Variants in CFAP45 observed in about 807,000 individuals in gnomAD.
CFAP45 encodes cilia- and flagella-associated protein 45.
Under a neutral mutation model 75.6 loss-of-function variants are expected in CFAP45, and 43 were observed. The observed-to-expected ratio is 0.57, with a 90% CI of 0.45 to 0.73. The LOEUF (loss-of-function observed/expected upper bound fraction) is 0.73. Ranked by LOEUF, CFAP45 falls within the 30% of genes least tolerant of loss-of-function variation. The pLI is 0.00. For missense variants in CFAP45, 689 were observed against 701.5 expected, an observed-to-expected ratio of 0.98 and a Z score of 0.20; for synonymous variants, 223 against 244.6, an observed-to-expected ratio of 0.91 and a Z score of 0.82.
At chr1:159,878,753 T>TAAAA (rs539116292) in intron 8 of CFAP45, among the ~76,000 whole-genome samples, 1,790 of 32,414 alleles carry the variant, frequency 0.055, 250 homozygotes, top group South Asian at 0.065. Context: ...AGACTACATC[T>TAAAA]AAAAAAAAAA....
At chr1:159,898,121 G>T (rs74124753) in intron 1 of CFAP45, 16 of 985,194 alleles carry the variant, frequency 1.6e-5, no homozygotes, top group Non-Finnish European at 1.7e-5. Flanking sequence ...GCAAATTCAG[G>T]CTTCAAACTC....
chr1:159,872,655 G>A (rs1041230066), intron 11 of CFAP45, 92 bp from the exon 12 acceptor site: 28 of 1,134,624 alleles, frequency 2.5e-5, no homozygotes, highest in Non-Finnish European at 3.5e-5. Context: ...TACAGAACCT[G>A]GGGGCCTGCA....
rs770061392 is a variant in CFAP45 at position 159,877,496 on chromosome 1, C to A, written c.1045-34G>T. On this transcript the variant is annotated intron_variant, in intron 8 of 11. Coordinates refer to ENST00000368099, the MANE Select transcript of CFAP45 (RefSeq NM_012337.3). ...AGGAAAGGCCTTGTAGAATAGTTGC[C>A]ATTGCCCCAGCCTTGCAGAGAGAAA... 53 of 1,449,354 alleles carry A rather than the reference C, an allele frequency of 3.7e-5. 1 individual carries two copies. In the South Asian group the frequency reaches 5.7e-4, roughly 16 times the overall value. The allele number at this position is 1,449,354 out of a possible 1,614,324, so 89.8% of individuals were successfully genotyped here.
intron 2 of CFAP45, among the ~76,000 whole-genome samples, chr1:159,890,948 G>A (rs1481368217): frequency 4.0e-5 from 6 of 151,850 alleles, no homozygotes; most frequent in Middle Eastern, 3.4e-3. Flanking sequence ...TAGTAGAGTC[G>A]GGGTTTCTCC....
chr1:159,872,798 G>T lies in CFAP45; in HGVS notation c.1577+146C>A, dbSNP rs1290135940. ...CTTTCTGCTGGAGCCCCCTTCAGAG[G>T]GATGAGCCCTGGGTGGGGAGAAGAG... is the stretch of plus-strand genomic sequence containing the variant. On this transcript the variant is annotated intron_variant, in intron 11 of 11. Coordinates refer to ENST00000368099, the MANE Select transcript of CFAP45 (RefSeq NM_012337.3). The T allele has an allele frequency of 8.2e-6, 7 of 851,812 alleles. No homozygotes were observed. The Admixed American group carries it at 1.5e-4, about 18-fold the overall frequency. The allele number at this position is 851,812 out of a possible 1,614,324, so 52.8% of individuals were successfully genotyped here.
rs74748182 is a variant in CFAP45, at chr1:159,887,774, G to A, written c.588+67C>T. ...ACCAGTCCCTGGCCTTGTCCAGTGC[G>A]GGAATAAGGGGAGGGCGGAGGGATG... On this transcript the variant is annotated intron_variant, in intron 5 of 11. Transcript: ENST00000368099. 1.1e-3 allele frequency: 1,695 copies of A among 1,497,744 alleles called. 3 individuals carry two copies. The African/African-American group carries it at 0.012, about 10-fold the overall frequency. The allele number at this position is 1,497,744 out of a possible 1,614,324, so 92.8% of individuals were successfully genotyped here. A position where few individuals can be genotyped will look rare whatever the true frequency, so the allele number is the denominator to read the frequency against.
Position 159,880,580 on chromosome 1 carries a change from C to A in CFAP45, c.1018G>T (p.Val340Leu). ...ATCTTCTTCTTGGTAAACTCCATCA[C>A]CATCTGGTCTGCCAGCTTCTCCTGA... Reference protein sequence around the residue: ...LAQEKLADQMVMEFTKKKMAR... With the variant: ...LAQEKLADQMLMEFTKKKMAR... Residue 340 changes from valine (V) to leucine (L), a missense_variant, in exon 8 of 12, where the codon GTG (valine) becomes TTG (leucine). By Grantham distance (32) the Val-to-Leu change is conservative. Coordinates refer to ENST00000368099, the MANE Select transcript of CFAP45 (RefSeq NM_012337.3). The A allele has an allele frequency of 6.2e-7, 1 of 1,613,444 alleles. No individual in the cohort carries two copies. The highest frequency in any genetic ancestry group is 8.5e-7 in the Non-Finnish European group (1 of 1,179,700).
intron 8 of CFAP45, 24 bp from the exon 9 acceptor site, chr1:159,877,486 G>C: frequency 6.5e-7 from 1 of 1,538,578 alleles, no homozygotes; most frequent in Non-Finnish European, 9.0e-7. Flanking sequence ...AGGCCTTGTA[G>C]AATAGTTGCC....
At chr1:159,887,235 C>G (rs779357189) in intron 5 of CFAP45, among the ~76,000 whole-genome samples, 20 of 152,110 alleles carry the variant, frequency 1.3e-4, no homozygotes, top group Non-Finnish European at 2.4e-4. Flanking sequence ...AAAAGTAAAA[C>G]CTTTAGAAAA....
At chr1:159,877,237 C>G (rs1240312266) in intron 9 of CFAP45, 112 bp downstream of exon 9, 10 of 818,974 alleles carry the variant, frequency 1.2e-5, no homozygotes, top group Non-Finnish European at 1.7e-5. Context: ...GTCTAGGTAA[C>G]TTGCATCCTT....
chr1:159,882,591 G>A (rs977673572), intron 7 of CFAP45, among the ~76,000 whole-genome samples: 1 of 152,156 alleles, frequency 6.6e-6, no homozygotes, highest in Admixed American at 6.5e-5. Flanking sequence ...GATACAGTAG[G>A]TCTAAAGCTG....
At chr1:159,889,223 C>T (rs1359031576) in intron 3 of CFAP45, among the ~76,000 whole-genome samples, 1 of 146,340 alleles carries the variant, frequency 6.8e-6, no homozygotes, top group Non-Finnish European at 1.5e-5. Context: ...AAACCAATCG[C>T]TAATTATAAT....
intron 7 of CFAP45, 50 bp downstream of exon 7, chr1:159,884,386 T>A (rs1384844322): frequency 6.4e-7 from 1 of 1,557,206 alleles, no homozygotes. Context: ...TCTTGAAGGG[T>A]TTTGATGCTG....
chr1:159,897,948 A>G (rs1649989475), intron 1 of CFAP45: 1 of 190,802 alleles, frequency 5.2e-6, no homozygotes, highest in African/African-American at 2.4e-5. Context: ...TCAGCAAGAC[A>G]AAGCTGGAAT....
chr1:159,892,010 G>A (rs1238640081), intron 2 of CFAP45, among the ~76,000 whole-genome samples: 1 of 152,184 alleles, frequency 6.6e-6, no homozygotes, highest in Non-Finnish European at 1.5e-5. Flanking sequence ...ATTTTGGCCA[G>A]GTGGGGAGAC....
chr1:159,897,527 G>A (rs1253840595), intron 1 of CFAP45, among the ~76,000 whole-genome samples: 1 of 151,898 alleles, frequency 6.6e-6, no homozygotes, highest in Non-Finnish European at 1.5e-5. Context: ...AGGTTGCAGT[G>A]AGCTGAGATC....
At chr1:159,875,682 G>C (rs945742735) in intron 10 of CFAP45, among the ~76,000 whole-genome samples, 2 of 152,294 alleles carry the variant, frequency 1.3e-5, no homozygotes, top group South Asian at 2.1e-4. Context: ...AATTTTGCTT[G>C]GCTTGTTTCC....
chr1:159,875,559 A>G (rs979790284), intron 10 of CFAP45, among the ~76,000 whole-genome samples: 2 of 152,180 alleles, frequency 1.3e-5, no homozygotes, highest in Non-Finnish European at 2.9e-5. Flanking sequence ...GCCACTAACT[A>G]CCCATTGCCA....
chr1:159,895,638 C>T (rs917975596), intron 1 of CFAP45, among the ~76,000 whole-genome samples: 1 of 152,206 alleles, frequency 6.6e-6, no homozygotes, highest in African/African-American at 2.4e-5. Flanking sequence ...TACTGTAGAG[C>T]AGAAAAGCTT....
Sources: allele counts gnomAD v4.1 joint callset (sites outside exome capture counted in the v4.1 genomes callset), GRCh38; gene constraint gnomAD v4.1.1; transcripts MANE v1.5; gene names NCBI Gene and HGNC (gene_info 2026-07-23, HGNC 2026-07-21).